The following PCDH17 variants were observed in gnomAD, a reference collection of about 807,000 sequenced individuals.
The protein encoded by PCDH17 is protocadherin 17.
Under a neutral mutation model 67.7 loss-of-function variants are expected in PCDH17, and 21 were observed. The observed-to-expected ratio is 0.31, with a 90% CI of 0.22 to 0.45. The LOEUF is 0.45. PCDH17 is among the 20% of genes least tolerant of loss of function. The probability of loss-of-function intolerance (pLI) is 1.00; values close to 1 mark genes in which losing one functional copy is unlikely to be tolerated. For synonymous variants in PCDH17, 701 were observed against 656.7 expected, an observed-to-expected ratio of 1.07 and a Z score of -1.03; for missense variants, 1,471 against 1,564.8, an observed-to-expected ratio of 0.94 and a Z score of 1.01.
At chr13:57,647,663 A>T (rs925845859) in intron 1 of PCDH17, among the ~76,000 whole-genome samples, 2 of 151,852 alleles carry the variant, frequency 1.3e-5, no homozygotes, top group African/African-American at 2.4e-5. Flanking sequence ...TTTATTAGCT[A>T]AAATAAAAGG....
At chr13:57,672,879 G>A (rs1043918729) in intron 3 of PCDH17, among the ~76,000 whole-genome samples, 4 of 151,924 alleles carry the variant, frequency 2.6e-5, no homozygotes, top group African/African-American at 9.7e-5. Flanking sequence ...ATAGCAAGAT[G>A]CAGACTAACT....
intron 3 of PCDH17, among the ~76,000 whole-genome samples, chr13:57,723,189 A>T (rs1955885577): frequency 6.6e-6 from 1 of 152,086 alleles, no homozygotes; most frequent in South Asian, 2.1e-4. Context: ...AAGATACCTA[A>T]TTTTTTTTGA....
intron 3 of PCDH17, among the ~76,000 whole-genome samples, chr13:57,692,854 G>A (rs1162245309): frequency 6.6e-6 from 1 of 150,996 alleles, no homozygotes; most frequent in Non-Finnish European, 1.5e-5. Flanking sequence ...CATATATTAT[G>A]TATTTTCAGC....
chr13:57,682,046 GCAA>G (rs779850570), intron 3 of PCDH17, among the ~76,000 whole-genome samples: 1 of 151,628 alleles, frequency 6.6e-6, no homozygotes, highest in East Asian at 2.0e-4. Context: ...AAATAGAGCA[GCAA>G]CAACAACAAA....
chr13:57,673,180 A>G (rs1287958202), intron 3 of PCDH17, among the ~76,000 whole-genome samples: 2 of 151,836 alleles, frequency 1.3e-5, no homozygotes, highest in African/African-American at 4.8e-5. Context: ...TAAATCATGG[A>G]GGTTTGGGAA....
At chr13:57,640,259 T>A (rs182977295) in intron 1 of PCDH17, among the ~76,000 whole-genome samples, 2 of 151,968 alleles carry the variant, frequency 1.3e-5, no homozygotes, top group African/African-American at 4.8e-5. Context: ...TCTACAAATA[T>A]AAAGGGCATA....
At chr13:57,708,152 A>G (rs532670703) in intron 3 of PCDH17, among the ~76,000 whole-genome samples, 3 of 152,126 alleles carry the variant, frequency 2.0e-5, no homozygotes, top group South Asian at 4.1e-4. Flanking sequence ...AATGTATCTA[A>G]AATACATTAG....
chr13:57,658,196 A>G (rs1267983870), intron 1 of PCDH17, among the ~76,000 whole-genome samples: 2 of 152,220 alleles, frequency 1.3e-5, no homozygotes, highest in African/African-American at 4.8e-5. Context: ...ACTTGCTGAA[A>G]AAATGCTACA....
rs151242806 is a variant in PCDH17 at position 57,634,136 on chromosome 13, G to A, written c.1590G>A (p.Thr530=). 171 of 1,613,502 alleles carry A rather than the reference G, an allele frequency of 1.1e-4. 1 individual carries two copies. Among genetic ancestry groups the A allele is most frequent in the Middle Eastern group, 3.3e-4 (2 of 6,084 alleles). ...SIYTYVSVNP[T]NGAIYALRSF... ...ACACCTATGTGTCTGTGAATCCCAC[G>A]AACGGGGCCATCTACGCCCTGCGCT... The change falls in exon 1 of 4, where the codon ACG becomes ACA. Residue 530 remains threonine (T), a synonymous_variant. Transcript: ENST00000377918. The surrounding 1 kb of genome is among the most constrained non-coding windows in gnomAD (Gnocchi z 7.8).
At chr13:57,708,389 T>C (rs12184555) in intron 3 of PCDH17, among the ~76,000 whole-genome samples, 8,411 of 152,110 alleles carry the variant, frequency 0.055, 307 homozygotes, top group Non-Finnish European at 0.086. Flanking sequence ...TAGTGCTTTT[T>C]CAGAATGTCA....
rs765261525 is a variant in PCDH17 at position 57,632,902 on chromosome 13, A to G, written c.356A>G (p.Lys119Arg). Residue 119 changes from lysine (K) to arginine (R), a missense_variant, in exon 1 of 4, where the codon AAG becomes AGG. By Grantham distance (26) the Lys-to-Arg change is conservative (BLOSUM62 2). Transcript: ENST00000377918. ...FANDKEICMI[K>R]VEIQDINDNA... ...AACGACAAGGAGATCTGCATGATCA[A>G]GGTAGAGATCCAGGACATCAACGAC... 3 of 1,614,116 alleles carry G rather than the reference A, an allele frequency of 1.9e-6. No homozygotes were observed. The highest frequency in any genetic ancestry group is 2.5e-6 in the Non-Finnish European group (3 of 1,180,030).
At chr13:57,674,176 G>A (rs999384888) in intron 3 of PCDH17, among the ~76,000 whole-genome samples, 8 of 151,752 alleles carry the variant, frequency 5.3e-5, no homozygotes, top group Non-Finnish European at 1.2e-4. Context: ...CTAAAATTAG[G>A]GAATGCTGGG....
At chr13:57,641,464 A>C (rs574958802) in intron 1 of PCDH17, among the ~76,000 whole-genome samples, 2 of 148,820 alleles carry the variant, frequency 1.3e-5, no homozygotes, top group South Asian at 4.2e-4. Flanking sequence ...AATATAGATG[A>C]AAAATTGTGG....
intron 3 of PCDH17, among the ~76,000 whole-genome samples, chr13:57,706,651 T>C (rs775365728): frequency 2.2e-4 from 34 of 152,164 alleles, no homozygotes; most frequent in Non-Finnish European, 4.0e-4. Flanking sequence ...AAGTTGGCAA[T>C]GTTTCTGCTA....
chr13:57,630,518 T>C (rs1954704303), upstream of PCDH17, among the ~76,000 whole-genome samples: 1 of 152,046 alleles, frequency 6.6e-6, no homozygotes. Flanking sequence ...TCCAAGACTC[T>C]GAAAAATTTC....
intron 1 of PCDH17, among the ~76,000 whole-genome samples, chr13:57,661,367 G>A (rs571975051): frequency 7.2e-5 from 11 of 152,082 alleles, no homozygotes; most frequent in African/African-American, 1.9e-4. Context: ...TTGACAGTTC[G>A]TTATACAGTC....
chr13:57,684,114 G>GTTTC (rs1208016302), intron 3 of PCDH17, among the ~76,000 whole-genome samples: 2 of 151,748 alleles, frequency 1.3e-5, no homozygotes, highest in South Asian at 4.1e-4. Flanking sequence ...AGTTTTCCAG[G>GTTTC]TTTCTTTCTT....
intron 1 of PCDH17, among the ~76,000 whole-genome samples, chr13:57,649,220 A>G (rs1955006403): frequency 6.6e-6 from 1 of 152,130 alleles, no homozygotes; most frequent in African/African-American, 2.4e-5. Context: ...GCATATCTCC[A>G]TTAATAGGAT....
rs763567118 is a variant in PCDH17, at chr13:57,724,790, C to T, written c.2976C>T (p.Pro992=). The T allele has an allele frequency of 1.9e-6, 3 of 1,614,008 alleles. No homozygotes were observed. In the African/African-American group the frequency reaches 4.0e-5, roughly 22 times the overall value. ...VETETYETVN[P]TGKKTFCTFG... The stretch of plus-strand genomic sequence containing the variant: ...CTGAGACTTACGAAACTGTGAATCC[C>T]ACTGGGAAAAAGACTTTTTGTACAT... The change falls in exon 4 of 4, where the codon CCC becomes CCT. Residue 992 remains proline, a synonymous_variant. Transcript: ENST00000377918.
Sources: allele counts gnomAD v4.1 joint callset (sites outside exome capture counted in the v4.1 genomes callset), GRCh38; gene constraint gnomAD v4.1.1; non-coding constraint Gnocchi (gnomAD v3.1); transcripts MANE v1.5; gene names NCBI Gene and HGNC (gene_info 2026-07-23, HGNC 2026-07-21).